Variants in OGDH observed in about 807,000 individuals in gnomAD.
The protein encoded by OGDH is 2-oxoglutarate dehydrogenase complex component E1.
In OGDH, 38 loss-of-function variants were observed where a neutral mutation model predicts 116.6. The ratio of observed to expected loss-of-function variants is 0.33; its 90% CI spans 0.25 to 0.43. The LOEUF is 0.43. Among genes scored for constraint, OGDH ranks in the 20% least tolerant of loss-of-function variants. OGDH has a pLI of 1.00. For synonymous variants in OGDH, 488 were observed against 533.3 expected, an observed-to-expected ratio of 0.92 and a Z score of 1.17; for missense variants, 825 against 1,357.2, an observed-to-expected ratio of 0.61 and a Z score of 6.16.
chr7:44,694,066 G>A lies in OGDH; in HGVS notation c.1515+62G>A, dbSNP rs1788478684. The A allele has an allele frequency of 5.3e-6, 8 of 1,521,320 alleles. No homozygotes were observed. The Admixed American group carries it at 5.7e-5, about 11-fold the overall frequency. The allele number at this position is 1,521,320 out of a possible 1,614,324, so 94.2% of individuals were successfully genotyped here. ...CATCTGACCCACCCCTCTTGCCCTC[G>A]GCACCCCTGTGTCCCAAGGAGAGGA... On this transcript the variant is annotated intron_variant, in intron 11 of 22. Coordinates refer to ENST00000222673, the MANE Select transcript of OGDH (RefSeq NM_002541.4). The surrounding 1 kb of genome is among the most constrained non-coding windows in gnomAD (Gnocchi z 4.2).
At position 44,624,031 on chromosome 7, in the gene OGDH, G is replaced by C. The variant is rs750322367; in HGVS notation, c.-27-286G>C. Reference sequence around the variant, plus strand: ...TCGCACAGGCATCCTGTGTTAGTAGGTGCAAGAGTGTGTTTCAGTTTCACA... The same window carrying C: ...TCGCACAGGCATCCTGTGTTAGTAGCTGCAAGAGTGTGTTTCAGTTTCACA... On this transcript the variant is annotated intron_variant, in intron 1 of 22. Transcript: ENST00000222673. 9.3e-4 allele frequency among the ~76,000 whole-genome samples: 141 copies of C among 152,098 alleles called. 1 individual carries two copies. Among genetic ancestry groups the C allele is most frequent in the Admixed American group, 2.4e-3 (36 of 15,256 alleles).
At chr7:44,662,135 C>T (rs1008615011) in intron 4 of OGDH, among the ~76,000 whole-genome samples, 6 of 152,158 alleles carry the variant, frequency 3.9e-5, no homozygotes, top group African/African-American at 1.4e-4. Context: ...TTTGCTTCAA[C>T]CATCAAACAT....
At chr7:44,611,113 C>T (rs1268915063) in intron 1 of OGDH, among the ~76,000 whole-genome samples, 2 of 137,612 alleles carry the variant, frequency 1.5e-5, no homozygotes, top group African/African-American at 5.4e-5. Flanking sequence ...CTTACTCTGT[C>T]ACCCCAGGCT....
intron 1 of OGDH, among the ~76,000 whole-genome samples, chr7:44,611,195 C>A (rs149750755): frequency 6.6e-6 from 1 of 151,902 alleles, no homozygotes; most frequent in Non-Finnish European, 1.5e-5. Context: ...GTGATCCTCA[C>A]ACCTCAGCCT....
intron 1 of OGDH, among the ~76,000 whole-genome samples, chr7:44,608,232 C>T (rs1043743192): frequency 1.3e-5 from 2 of 152,008 alleles, no homozygotes; most frequent in African/African-American, 4.8e-5. Flanking sequence ...TGATACCCGG[C>T]GTCTACAAAA....
chr7:44,638,043 C>A (rs915961806), intron 2 of OGDH, among the ~76,000 whole-genome samples: 1 of 152,202 alleles, frequency 6.6e-6, no homozygotes, highest in Admixed American at 6.5e-5. Flanking sequence ...ATGTCATTTA[C>A]AACCTTGCCC....
At chr7:44,688,788 G>A (rs982196564) in intron 10 of OGDH, among the ~76,000 whole-genome samples, 5 of 151,970 alleles carry the variant, frequency 3.3e-5, no homozygotes, top group Non-Finnish European at 7.4e-5. Context: ...CCTCTCTGTG[G>A]CCCAGGCTGG....
chr7:44,654,725 C>T (rs1786610928), intron 4 of OGDH, among the ~76,000 whole-genome samples: 1 of 152,134 alleles, frequency 6.6e-6, no homozygotes, highest in South Asian at 2.1e-4. Context: ...GCCAAGCAGA[C>T]ATCTGACATT....
chr7:44,698,271 A>C lies in OGDH; in HGVS notation c.2430+8A>C, dbSNP rs201185666. 6.2e-6 allele frequency: 10 copies of C among 1,613,262 alleles called. No individual in the cohort carries two copies. Among genetic ancestry groups the C allele is most frequent in the Non-Finnish European group, 7.6e-6 (9 of 1,179,436 alleles). On this transcript the variant is annotated splice_region_variant and intron_variant, in intron 18 of 22. Transcript: ENST00000222673. ...GACCCAGATGTCCTGCCAGTGAGTA[A>C]TACAGGCCCTGTCAGCCCAGCCATT...
Position 44,674,409 on chromosome 7 carries a change from A to T in OGDH, c.789-2A>T. ...TTCAAGGTGGCTTGGTTCCCTGTCC[A>T]GGTTTGAGGAGTTCCTACAGCGGAA... On this transcript the variant is annotated splice_acceptor_variant, in intron 6 of 22. Coordinates refer to ENST00000222673, the MANE Select transcript of OGDH (RefSeq NM_002541.4). LOFTEE classifies it high-confidence loss of function. The T allele has an allele frequency of 6.2e-7, 1 of 1,613,990 alleles. No homozygotes were observed. The highest frequency in any genetic ancestry group is 8.5e-7 in the Non-Finnish European group (1 of 1,179,962).
chr7:44,649,949 T>C (rs1786361134), intron 4 of OGDH, among the ~76,000 whole-genome samples: 1 of 152,168 alleles, frequency 6.6e-6, no homozygotes, highest in Non-Finnish European at 1.5e-5. Flanking sequence ...AAGAGGACTT[T>C]ATAAACCAAG....
At chr7:44,634,275 G>A (rs745476209) in intron 2 of OGDH, among the ~76,000 whole-genome samples, 3 of 152,190 alleles carry the variant, frequency 2.0e-5, no homozygotes, top group Non-Finnish European at 2.9e-5. Context: ...GGTCCAGACC[G>A]TACACTGCTA....
intron 1 of OGDH, among the ~76,000 whole-genome samples, chr7:44,613,780 G>A (rs971791031): frequency 1.3e-5 from 2 of 149,210 alleles, no homozygotes; most frequent in African/African-American, 4.9e-5. Context: ...ACAGGTGTGA[G>A]CCACTGGGCC....
At chr7:44,660,921 A>C (rs1786908288) in intron 4 of OGDH, among the ~76,000 whole-genome samples, 1 of 151,836 alleles carries the variant, frequency 6.6e-6, no homozygotes, top group African/African-American at 2.4e-5. Flanking sequence ...CTATCTGTAA[A>C]CTACACACAC....
intron 10 of OGDH, among the ~76,000 whole-genome samples, chr7:44,688,578 C>A (rs1052887734): frequency 2.0e-5 from 3 of 150,906 alleles, no homozygotes; most frequent in African/African-American, 4.9e-5. Flanking sequence ...CTACAGGCAC[C>A]CACCACCATG....
intron 4 of OGDH, among the ~76,000 whole-genome samples, chr7:44,650,678 G>A (rs749454663): frequency 3.9e-5 from 6 of 152,170 alleles, no homozygotes; most frequent in Non-Finnish European, 7.3e-5. Flanking sequence ...TTATAAGGAA[G>A]CAGCGTAGCA....
chr7:44,682,227 TA>T (rs1444093637), intron 10 of OGDH, among the ~76,000 whole-genome samples: 1 of 151,768 alleles, frequency 6.6e-6, no homozygotes, highest in Non-Finnish European at 1.5e-5. Flanking sequence ...CCGTCTCTGC[TA>T]AAAATACAAA....
intron 4 of OGDH, among the ~76,000 whole-genome samples, chr7:44,657,402 C>A (rs187250348): frequency 6.6e-6 from 1 of 152,336 alleles, no homozygotes; most frequent in Admixed American, 6.5e-5. Flanking sequence ...CTTAGAGATT[C>A]ATGCAGGTTG....
chr7:44,658,848 T>C (rs1030386546), intron 4 of OGDH, among the ~76,000 whole-genome samples: 1 of 152,170 alleles, frequency 6.6e-6, no homozygotes, highest in Non-Finnish European at 1.5e-5. Flanking sequence ...ATTATTATTA[T>C]TTTTTGAGAC....
Sources: allele counts gnomAD v4.1 joint callset (sites outside exome capture counted in the v4.1 genomes callset), GRCh38; gene constraint gnomAD v4.1.1; non-coding constraint Gnocchi (gnomAD v3.1); transcripts MANE v1.5; gene names NCBI Gene and HGNC (gene_info 2026-07-23, HGNC 2026-07-21).